METTL15: variants seen among roughly 807,000 people sequenced by gnomAD.
METTL15 encodes the protein 12S rRNA N(4)-cytidine methyltransferase METTL15.
A neutral mutation model predicts 38.3 loss-of-function variants in METTL15; 34 were observed. That is an observed-to-expected ratio of 0.89 (90% CI 0.68 to 1.18). METTL15 has a LOEUF of 1.18. Among genes scored for constraint, METTL15 ranks in the 50% most tolerant of loss-of-function variants. The pLI, the probability that METTL15 is intolerant of heterozygous loss-of-function variation, is 0.00. For synonymous variants in METTL15, 162 were observed against 170.9 expected (o/e 0.95, Z 0.41); for missense variants, 438 against 498.4 (o/e 0.88, Z 1.15).
chr11:28,476,760 A>T (rs1230303805), intron 6 of METTL15, among the ~76,000 whole-genome samples: 1 of 152,192 alleles, frequency 6.6e-6, no homozygotes, highest in African/African-American at 2.4e-5. Context: ...ACCTTAAGCT[A>T]ACCAGTGATC....
At chr11:28,410,846 A>C (rs1850718516) in intron 5 of METTL15, 1 of 152,094 alleles carries the variant, frequency 6.6e-6, no homozygotes, top group Admixed American at 6.5e-5. Flanking sequence ...TTATTTTCAG[A>C]TAATATGATT....
intron 5 of METTL15, among the ~76,000 whole-genome samples, chr11:28,405,629 A>C (rs1850667145): frequency 6.6e-6 from 1 of 152,162 alleles, no homozygotes; most frequent in Non-Finnish European, 1.5e-5. Context: ...AGTAAAATGT[A>C]ATAGCAACAA....
chr11:28,329,134 G>A (rs1849734809), intron 6 of METTL15, among the ~76,000 whole-genome samples: 1 of 152,012 alleles, frequency 6.6e-6, no homozygotes, highest in African/African-American at 2.4e-5. Flanking sequence ...GTTTGTTTTT[G>A]TATATGATGT....
At chr11:28,232,052 T>C (rs1853707892) in intron 4 of METTL15, among the ~76,000 whole-genome samples, 2 of 151,942 alleles carry the variant, frequency 1.3e-5, no homozygotes, top group African/African-American at 2.4e-5. Flanking sequence ...GCTGAGTTCA[T>C]CTTAATTTGC....
chr11:28,141,750 G>T (rs1849705367), intron 3 of METTL15, among the ~76,000 whole-genome samples: 1 of 152,148 alleles, frequency 6.6e-6, no homozygotes, highest in African/African-American at 2.4e-5. Flanking sequence ...CTCCTGAGTA[G>T]TAAGCAAGCT....
At chr11:28,232,761 A>AAGGGT (rs1404883379) in intron 4 of METTL15, among the ~76,000 whole-genome samples, 2 of 151,926 alleles carry the variant, frequency 1.3e-5, no homozygotes, top group Non-Finnish European at 2.9e-5. Flanking sequence ...GTGGGCGTGA[A>AAGGGT]AGGGTTTATT....
chr11:28,180,054 C>T (rs886956832), intron 3 of METTL15, among the ~76,000 whole-genome samples: 9 of 151,768 alleles, frequency 5.9e-5, no homozygotes, highest in African/African-American at 1.9e-4. Flanking sequence ...ATTATCTCCT[C>T]ACCCATACCT....
intron 3 of METTL15, among the ~76,000 whole-genome samples, chr11:28,186,002 T>A (rs1307169646): frequency 2.0e-5 from 3 of 150,990 alleles, no homozygotes; most frequent in Non-Finnish European, 3.0e-5. Flanking sequence ...TTTAGCAATG[T>A]TAAGTTTTAG....
chr11:28,510,889 G>C (rs1009639026), intron 6 of METTL15, among the ~76,000 whole-genome samples: 1 of 152,102 alleles, frequency 6.6e-6, no homozygotes, highest in Non-Finnish European at 1.5e-5. Context: ...GTTAAGTGTG[G>C]GTCTGTCTGG....
At chr11:28,149,623 A>G (rs1850010534) in intron 3 of METTL15, among the ~76,000 whole-genome samples, 1 of 151,908 alleles carries the variant, frequency 6.6e-6, no homozygotes, top group Non-Finnish European at 1.5e-5. Flanking sequence ...TTCTTTAGGG[A>G]TAGGCAAGGA....
At chr11:28,231,683 T>C (rs1001379001) in intron 4 of METTL15, among the ~76,000 whole-genome samples, 3 of 151,924 alleles carry the variant, frequency 2.0e-5, no homozygotes, top group Non-Finnish European at 4.4e-5. Context: ...CCTCTCTTCA[T>C]GTCTATGTGC....
intron 4 of METTL15, among the ~76,000 whole-genome samples, chr11:28,273,276 C>T (rs529004130): frequency 2.6e-5 from 4 of 152,012 alleles, no homozygotes; most frequent in South Asian, 2.1e-4. Context: ...ATATTATTTC[C>T]GAAGTTAAGC....
At chr11:28,269,315 T>A (rs958428513) in intron 4 of METTL15, among the ~76,000 whole-genome samples, 12 of 152,060 alleles carry the variant, frequency 7.9e-5, no homozygotes, top group Non-Finnish European at 1.8e-4. Flanking sequence ...ATTATATATA[T>A]ATAAAAAACA....
intron 4 of METTL15, among the ~76,000 whole-genome samples, chr11:28,238,596 A>G (rs1292916641): frequency 6.6e-6 from 1 of 152,218 alleles, no homozygotes; most frequent in African/African-American, 2.4e-5. Flanking sequence ...TGGCTGGCAC[A>G]GGGTGCGCTG....
intron 3 of METTL15, chr11:28,125,635 A>G (rs1565109199): frequency 6.6e-6 from 1 of 152,086 alleles, no homozygotes; most frequent in Non-Finnish European, 1.5e-5. Flanking sequence ...GTACTTCTGT[A>G]ATAAAGGGAA....
At chr11:28,140,036 G>A (rs1303354102) in intron 3 of METTL15, among the ~76,000 whole-genome samples, 2 of 152,194 alleles carry the variant, frequency 1.3e-5, no homozygotes, top group Non-Finnish European at 2.9e-5. Context: ...TGGAGCATGT[G>A]CATGTGCAGA....
chr11:28,458,161 G>T (rs1415455122), intron 6 of METTL15, among the ~76,000 whole-genome samples: 1 of 152,006 alleles, frequency 6.6e-6, no homozygotes, highest in African/African-American at 2.4e-5. Flanking sequence ...ACCTCTTTTG[G>T]CTTTGTTGGT....
At chr11:28,226,837 G>A (rs1301065896) in intron 4 of METTL15, among the ~76,000 whole-genome samples, 2 of 151,836 alleles carry the variant, frequency 1.3e-5, no homozygotes, top group African/African-American at 2.4e-5. Flanking sequence ...AGACACAGTT[G>A]TTACTAATCT....
At chr11:28,499,212 C>T (rs766427012) in intron 6 of METTL15, among the ~76,000 whole-genome samples, 3 of 152,132 alleles carry the variant, frequency 2.0e-5, no homozygotes, top group African/African-American at 2.4e-5. Flanking sequence ...CTGATGTTCT[C>T]CTCAACCTGT....
Sources: gnomAD v4.1 joint callset for allele counts (sites outside exome capture counted in the v4.1 genomes callset) on GRCh38, gnomAD v4.1.1 for gene constraint, MANE v1.5 for transcripts, NCBI Gene and HGNC (gene_info 2026-07-23, HGNC 2026-07-21) for gene names.